Variants in RASGRF2 observed in about 807,000 individuals in gnomAD.
RASGRF2 encodes the protein ras-specific guanine nucleotide-releasing factor 2.
In RASGRF2, 76 loss-of-function variants were observed where a neutral mutation model predicts 151.0. The observed-to-expected ratio is 0.50, with a 90% CI of 0.42 to 0.61. RASGRF2 has a LOEUF of 0.61. Ranked by LOEUF, RASGRF2 falls within the 20% of genes least tolerant of loss-of-function variation. The pLI, the probability that RASGRF2 is intolerant of heterozygous loss-of-function variation, is 0.00. For missense variants in RASGRF2, 1,148 were observed against 1,564.6 expected (o/e 0.73, Z 4.49); for synonymous variants, 504 against 566.5 (o/e 0.89, Z 1.57).
chr5:81,113,312 G>GT, intron 14 of RASGRF2: 1 of 601,800 alleles, frequency 1.7e-6, no homozygotes, highest in Non-Finnish European at 2.9e-6. Flanking sequence ...CAATGCTGCT[G>GT]TTTGGACCAC....
intron 1 of RASGRF2, among the ~76,000 whole-genome samples, chr5:80,964,939 A>T (rs1018936738): frequency 6.6e-6 from 1 of 152,112 alleles, no homozygotes; most frequent in Non-Finnish European, 1.5e-5. Flanking sequence ...GAGAAGACAC[A>T]TAGCAAAAAA....
intron 1 of RASGRF2, among the ~76,000 whole-genome samples, chr5:81,006,187 G>C (rs997899169): frequency 1.6e-4 from 24 of 152,012 alleles, no homozygotes; most frequent in African/African-American, 5.8e-4. Flanking sequence ...ATTACCCAAG[G>C]ACATCTACTT....
chr5:81,031,681 C>T (rs1487290066), intron 1 of RASGRF2, among the ~76,000 whole-genome samples: 1 of 152,100 alleles, frequency 6.6e-6, no homozygotes, highest in African/African-American at 2.4e-5. Context: ...GCACTAAATG[C>T]CCACAAGAGA....
At chr5:81,010,772 T>C (rs1749432650) in intron 1 of RASGRF2, among the ~76,000 whole-genome samples, 1 of 152,208 alleles carries the variant, frequency 6.6e-6, no homozygotes, top group African/African-American at 2.4e-5. Flanking sequence ...AGTAGTCACA[T>C]TCAGGCAACA....
intron 1 of RASGRF2, among the ~76,000 whole-genome samples, chr5:80,975,744 A>G (rs548305336): frequency 2.6e-5 from 4 of 152,150 alleles, no homozygotes; most frequent in African/African-American, 7.2e-5. Flanking sequence ...TATTCCTTAC[A>G]TAGTGGGTTT....
At chr5:81,198,682 G>T (rs946983424) in intron 18 of RASGRF2, among the ~76,000 whole-genome samples, 1 of 152,056 alleles carries the variant, frequency 6.6e-6, no homozygotes, top group Non-Finnish European at 1.5e-5. Flanking sequence ...CTCATGATCC[G>T]CCCGCCTCAG....
rs148982381 is a variant in RASGRF2, at chr5:81,001,407, A to C, written c.288+40381A>C. ...GGACCCCACAGACTTCAGGTGCACT[A>C]TTTGGTATCCTCACACAATGCTTCT... On this transcript the variant is annotated intron_variant, in intron 1 of 26. Coordinates refer to ENST00000265080, the MANE Select transcript of RASGRF2 (RefSeq NM_006909.3). Among the ~76,000 whole-genome samples, 46 of 152,258 alleles carry C rather than the reference A, an allele frequency of 3.0e-4. No individual in the cohort carries two copies. The Middle Eastern group carries it at 0.014, about 45-fold the overall frequency.
intron 10 of RASGRF2, 148 bp downstream of exon 10, chr5:81,093,109 C>A: frequency 1.2e-6 from 1 of 818,944 alleles, no homozygotes; most frequent in Non-Finnish European, 1.9e-6. Flanking sequence ...CTGTTACCAA[C>A]TCTGCCATTT....
In RASGRF2 at chr5:81,044,644, A is replaced by T. The variant is rs571940866; in HGVS notation, c.395+1661A>T. 2.6e-5 allele frequency among the ~76,000 whole-genome samples: 4 copies of T among 152,238 alleles called. No homozygotes were observed. In the East Asian group the frequency reaches 7.7e-4, roughly 29 times the overall value. ...CTTCACAATAAGCTAATAGGATATT[A>T]TTATCCCCATTTTACAGAGGAGAAA... On this transcript the variant is annotated intron_variant, in intron 2 of 26. Coordinates refer to ENST00000265080, the MANE Select transcript of RASGRF2 (RefSeq NM_006909.3).
At chr5:81,200,286 AAAAG>A (rs897873690) in intron 18 of RASGRF2, among the ~76,000 whole-genome samples, 23 of 152,114 alleles carry the variant, frequency 1.5e-4, no homozygotes, top group Non-Finnish European at 2.8e-4. Flanking sequence ...AAAAAAAAAA[AAAAG>A]AAGAAGAATA....
At position 80,960,961 on chromosome 5, in the gene RASGRF2, C is replaced by A; in HGVS notation, c.223C>A (p.Arg75=). The change falls in exon 1 of 27, where the codon CGA becomes AGA. Residue 75 remains arginine (R), a synonymous_variant. Coordinates refer to ENST00000265080, the MANE Select transcript of RASGRF2 (RefSeq NM_006909.3). This position sits in a 1 kb window ranked among gnomAD's most constrained non-coding sequence, Gnocchi z 5.5. ...CCTCCTGGAGGGCTGCAGCTGCGAA[C>A]GAACGCCCGCGCCACCCAGGGCCGG... ...MYLLEGCSCE[R]TPAPPRAGAG... 1 of 1,564,420 alleles carries A rather than the reference C, an allele frequency of 6.4e-7. No individual in the cohort carries two copies. The highest frequency in any genetic ancestry group is 8.7e-7 in the Non-Finnish European group (1 of 1,146,614).
chr5:81,022,417 G>A (rs1181275832), intron 1 of RASGRF2, among the ~76,000 whole-genome samples: 3 of 152,116 alleles, frequency 2.0e-5, no homozygotes, highest in Admixed American at 2.0e-4. Flanking sequence ...TACAGGATGT[G>A]GTCCCCACCT....
chr5:81,131,096 A>G (rs1227471473), intron 17 of RASGRF2, among the ~76,000 whole-genome samples: 1 of 152,226 alleles, frequency 6.6e-6, no homozygotes, highest in Non-Finnish European at 1.5e-5. Flanking sequence ...AGGCATTTGT[A>G]TATTAAACCA....
At chr5:81,124,005 C>T (rs889276550) in intron 16 of RASGRF2, among the ~76,000 whole-genome samples, 8 of 152,234 alleles carry the variant, frequency 5.3e-5, no homozygotes, top group South Asian at 4.1e-4. Context: ...AATAAAGCTT[C>T]TGTACTGACC....
intron 2 of RASGRF2, among the ~76,000 whole-genome samples, chr5:81,056,699 CGTG>C (rs754708182): frequency 2.6e-5 from 4 of 152,082 alleles, no homozygotes; most frequent in African/African-American, 7.2e-5. Context: ...CTTTCTGTCT[CGTG>C]GATCTGTCTA....
At chr5:81,065,945 G>C (rs1038220413) in intron 2 of RASGRF2, among the ~76,000 whole-genome samples, 1 of 152,152 alleles carries the variant, frequency 6.6e-6, no homozygotes, top group Non-Finnish European at 1.5e-5. Context: ...GGAGGGGGAC[G>C]TTGGTGATGA....
intron 6 of RASGRF2, 106 bp downstream of exon 6, chr5:81,080,306 A>T: frequency 1.3e-6 from 2 of 1,517,536 alleles, no homozygotes; most frequent in Non-Finnish European, 1.8e-6. Context: ...CACCCTGTTG[A>T]CCTGTGAGCT....
chr5:81,173,872 G>A (rs1262860585), intron 17 of RASGRF2, among the ~76,000 whole-genome samples: 4 of 152,232 alleles, frequency 2.6e-5, no homozygotes, highest in Non-Finnish European at 5.9e-5. Flanking sequence ...CTTCACGAGA[G>A]CAGGGAGCAT....
chr5:81,004,750 G>A (rs1392909187), intron 1 of RASGRF2, among the ~76,000 whole-genome samples: 4 of 152,168 alleles, frequency 2.6e-5, no homozygotes, highest in African/African-American at 9.7e-5. Context: ...GGCAGATAGA[G>A]GCAAGAATCC....
Sources: gnomAD v4.1 joint callset for allele counts (sites outside exome capture counted in the v4.1 genomes callset) on GRCh38, gnomAD v4.1.1 for gene constraint, Gnocchi (gnomAD v3.1) non-coding constraint, MANE v1.5 for transcripts, NCBI Gene and HGNC (gene_info 2026-07-23, HGNC 2026-07-21) for gene names.